The following DNM3 variants were observed in gnomAD, a reference collection of about 807,000 sequenced individuals.
DNM3 encodes the protein dynamin 3, also known as dynamin-3.
In DNM3, 47 loss-of-function variants were observed where a neutral mutation model predicts 101.6. The ratio of observed to expected loss-of-function variants is 0.46; its 90% CI spans 0.37 to 0.59. DNM3 has a LOEUF of 0.59. DNM3 is among the 20% of genes least tolerant of loss of function. The pLI is 0.00. For missense variants in DNM3, 849 were observed against 1,085.7 expected, an observed-to-expected ratio of 0.78 and a Z score of 3.06; for synonymous variants, 385 against 387.9, an observed-to-expected ratio of 0.99 and a Z score of 0.09.
At chr1:172,266,439 A>G (rs2062861480) in intron 15 of DNM3, among the ~76,000 whole-genome samples, 1 of 152,186 alleles carries the variant, frequency 6.6e-6, no homozygotes, top group African/African-American at 2.4e-5. Flanking sequence ...AGCATGTAAT[A>G]TTCTGGACTC....
At chr1:172,246,918 G>GA (rs1359949989) in intron 14 of DNM3, among the ~76,000 whole-genome samples, 3 of 151,772 alleles carry the variant, frequency 2.0e-5, no homozygotes, top group Non-Finnish European at 2.9e-5. Context: ...ATGCATCAAA[G>GA]AAAAAAATGA....
intron 4 of DNM3, among the ~76,000 whole-genome samples, chr1:172,028,893 G>A (rs970798660): frequency 4.6e-5 from 7 of 151,952 alleles, no homozygotes; most frequent in Non-Finnish European, 8.8e-5. Context: ...CCAATAGCAA[G>A]TCTGAAATTG....
intron 2 of DNM3, among the ~76,000 whole-genome samples, chr1:171,958,981 A>G (rs1431051776): frequency 6.6e-6 from 1 of 152,214 alleles, no homozygotes; most frequent in Non-Finnish European, 1.5e-5. Context: ...TAGGAGCATA[A>G]TCTTGAGTGA....
chr1:172,383,223 T>C (rs987521419), intron 18 of DNM3, among the ~76,000 whole-genome samples: 2 of 152,178 alleles, frequency 1.3e-5, no homozygotes, highest in Non-Finnish European at 2.9e-5. Context: ...TTCTGCTTTC[T>C]TAAATTGTAG....
At chr1:171,936,740 T>G (rs1349039543) in intron 2 of DNM3, among the ~76,000 whole-genome samples, 1 of 152,206 alleles carries the variant, frequency 6.6e-6, no homozygotes, top group Non-Finnish European at 1.5e-5. Context: ...TTGGAATTTA[T>G]TAGATAATTA....
intron 2 of DNM3, among the ~76,000 whole-genome samples, chr1:171,931,516 A>C (rs1263829937): frequency 6.6e-6 from 1 of 152,164 alleles, no homozygotes; most frequent in Admixed American, 6.5e-5. Context: ...TGGTTATGAA[A>C]TCTGTACATT....
intron 13 of DNM3, among the ~76,000 whole-genome samples, chr1:172,100,226 G>A (rs2054539890): frequency 6.6e-6 from 1 of 152,088 alleles, no homozygotes; most frequent in African/African-American, 2.4e-5. Context: ...CCAGGTAACT[G>A]GATTATCAAC....
chr1:171,853,813 A>G (rs2033264402), intron 1 of DNM3, among the ~76,000 whole-genome samples: 1 of 152,162 alleles, frequency 6.6e-6, no homozygotes. Context: ...ATCTTCCAAA[A>G]CACAAGTTTA....
intron 17 of DNM3, among the ~76,000 whole-genome samples, chr1:172,350,514 A>C (rs1443491510): frequency 1.3e-5 from 2 of 152,178 alleles, no homozygotes; most frequent in Admixed American, 1.3e-4. Flanking sequence ...CTACAGAGGA[A>C]GAAAGGAAAT....
intron 14 of DNM3, chr1:172,137,741 A>G (rs925207983): frequency 6.6e-6 from 1 of 152,178 alleles, no homozygotes; most frequent in African/African-American, 2.4e-5. Context: ...TACTGAAGCT[A>G]AAACATGTTA....
At chr1:171,949,948 G>A (rs1361799187) in intron 2 of DNM3, among the ~76,000 whole-genome samples, 2 of 152,122 alleles carry the variant, frequency 1.3e-5, no homozygotes, top group Non-Finnish European at 2.9e-5. Flanking sequence ...AAGAGAAATG[G>A]ATGCATTTGT....
chr1:172,408,826 G>C lies in DNM3; in HGVS notation c.*985G>C, dbSNP rs186796278. The C allele has an allele frequency of 2.9e-5, 29 of 985,168 alleles. No individual in the cohort carries two copies. The East Asian group carries it at 3.3e-3, about 112-fold the overall frequency. The allele number at this position is 985,168 out of a possible 1,614,324, so 61.0% of individuals were successfully genotyped here. On this transcript the variant is annotated 3_prime_UTR_variant, in exon 21 of 21. Coordinates refer to ENST00000627582, the MANE Select transcript of DNM3 (RefSeq NM_015569.5). ...TTATCCTACCCTTGAAACAGGCTCA[G>C]TGTAACTGTATATCCATTCTAGGCT...
chr1:172,042,158 G>T lies in DNM3; in HGVS notation c.1128+14G>T. On this transcript the variant is annotated intron_variant, in intron 8 of 20. Coordinates refer to ENST00000627582, the MANE Select transcript of DNM3 (RefSeq NM_015569.5). ...GAGATAGTAAAGGTTTGTGTCAAAC[G>T]TTATTTTTTTCTTAGTTTCACTTCA... is the stretch of plus-strand genomic sequence containing the variant. 1 of 1,577,608 alleles carries T rather than the reference G, an allele frequency of 6.3e-7. No individual in the cohort carries two copies. Among genetic ancestry groups the T allele is most frequent in the Non-Finnish European group, 8.6e-7 (1 of 1,168,606 alleles).
chr1:172,057,568 C>A (rs956185625), intron 10 of DNM3, among the ~76,000 whole-genome samples: 18 of 152,258 alleles, frequency 1.2e-4, no homozygotes, highest in Admixed American at 1.1e-3. Context: ...TAATTTTCAA[C>A]CCAGAATTTC....
chr1:172,389,685 ATATT>A (rs1156785614), intron 20 of DNM3, among the ~76,000 whole-genome samples: 2 of 152,240 alleles, frequency 1.3e-5, no homozygotes, highest in African/African-American at 4.8e-5. Flanking sequence ...GAGAATTAAA[ATATT>A]TATATACTCC....
Position 172,411,573 on chromosome 1 carries a change from T to C in DNM3, c.*3732T>C. On this transcript the variant is annotated 3_prime_UTR_variant, in exon 21 of 21. Transcript: ENST00000627582. ...AAAAAAGGACATAGCAACATTAAAGTAGTGGATTTTTCTGAGTAAATTTGC... is the reference window on the plus strand; with the variant it reads ...AAAAAAGGACATAGCAACATTAAAGCAGTGGATTTTTCTGAGTAAATTTGC... 2 of 983,404 alleles carry C rather than the reference T, an allele frequency of 2.0e-6. No individual in the cohort carries two copies. Among genetic ancestry groups the C allele is most frequent in the African/African-American group, 3.5e-5 (2 of 56,928 alleles). The allele number at this position is 983,404 out of a possible 1,614,324, so 60.9% of individuals were successfully genotyped here. A position where few individuals can be genotyped will look rare whatever the true frequency, so the allele number is the denominator to read the frequency against.
intron 15 of DNM3, among the ~76,000 whole-genome samples, chr1:172,282,151 TG>T (rs922850808): frequency 7.2e-5 from 11 of 152,182 alleles, no homozygotes; most frequent in Admixed American, 2.6e-4. Flanking sequence ...GGCAGAGCTA[TG>T]GAGGAGCTGA....
At chr1:171,955,661 G>T (rs748311246) in intron 2 of DNM3, among the ~76,000 whole-genome samples, 1 of 152,142 alleles carries the variant, frequency 6.6e-6, no homozygotes, top group Non-Finnish European at 1.5e-5. Context: ...TAGGTGAGAG[G>T]CATAGGTAGC....
intron 1 of DNM3, among the ~76,000 whole-genome samples, chr1:171,872,661 T>G (rs1309450345): frequency 6.6e-6 from 1 of 152,160 alleles, no homozygotes; most frequent in Non-Finnish European, 1.5e-5. Context: ...TCTGTCTGAG[T>G]CCACAGAATC....
Sources: gnomAD v4.1 joint callset for allele counts (sites outside exome capture counted in the v4.1 genomes callset) on GRCh38, gnomAD v4.1.1 for gene constraint, MANE v1.5 for transcripts, NCBI Gene and HGNC (gene_info 2026-07-23, HGNC 2026-07-21) for gene names.